The following LMO7 variants were observed in gnomAD, a reference collection of about 807,000 sequenced individuals.
LMO7 encodes LIM domain only protein 7.
In LMO7, 120 loss-of-function variants were observed where a neutral mutation model predicts 206.5. The ratio of observed to expected loss-of-function variants is 0.58; its 90% CI spans 0.50 to 0.68. The LOEUF is 0.68. LMO7 is among the 30% of genes least tolerant of loss of function. LMO7 has a pLI of 0.00. For synonymous variants in LMO7, 706 were observed against 681.5 expected (o/e 1.04, Z -0.56); for missense variants, 1,959 against 1,957.9 (o/e 1.00, Z -0.01).
intron 2 of LMO7, among the ~76,000 whole-genome samples, chr13:75,720,343 C>T (rs1407512052): frequency 6.6e-6 from 1 of 152,060 alleles, no homozygotes; most frequent in African/African-American, 2.4e-5. Flanking sequence ...TTAATGAAGT[C>T]CAGTGTGTCA....
intron 1 of LMO7, among the ~76,000 whole-genome samples, chr13:75,700,877 A>T (rs867666286): frequency 3.3e-5 from 5 of 152,184 alleles, no homozygotes; most frequent in Non-Finnish European, 7.3e-5. Context: ...CTTCCTTTTA[A>T]TATTTCTGGA....
rs892741644 is a variant in LMO7, at chr13:75,803,252, A to G, written c.662-1037A>G. 2.0e-5 allele frequency among the ~76,000 whole-genome samples: 3 copies of G among 152,176 alleles called. No homozygotes were observed. In the South Asian group the frequency reaches 6.2e-4, roughly 32 times the overall value. ...AAGCGACTTCCTGTAGACTGTTCTC[A>G]GTGTTATTTACTGTAGCTTCCTGCC... On this transcript the variant is annotated intron_variant, in intron 7 of 30. Coordinates refer to ENST00000377534, the MANE Select transcript of LMO7 (RefSeq NM_001306080.2).
At chr13:75,717,362 CAAAA>C (rs55749528) in intron 2 of LMO7, among the ~76,000 whole-genome samples, 1 of 90,808 alleles carries the variant, frequency 1.1e-5, no homozygotes, top group Admixed American at 1.3e-4. Flanking sequence ...GACTCCGTCT[CAAAA>C]AAAAAAAAAA....
chr13:75,783,144 A>C (rs1031307772), intron 4 of LMO7, among the ~76,000 whole-genome samples: 6 of 152,230 alleles, frequency 3.9e-5, no homozygotes, highest in African/African-American at 1.4e-4. Flanking sequence ...TTTTATGCAC[A>C]GATGTATTTT....
At position 75,821,266 on chromosome 13, in the gene LMO7, C is replaced by T. The variant is rs761565762; in HGVS notation, c.2297C>T (p.Thr766Ile). 1.9e-6 allele frequency: 3 copies of T among 1,613,990 alleles called. No individual in the cohort carries two copies. The highest frequency in any genetic ancestry group is 1.6e-4 in the Middle Eastern group (1 of 6,062). The change falls in exon 14 of 31, where the codon ACA (threonine) becomes ATA (isoleucine). Residue 766 changes from threonine (T) to isoleucine (I), a missense_variant. By Grantham distance (89) the Thr-to-Ile change is moderately conservative. Transcript: ENST00000377534. ...DVLEEGKRPP[T>I]MTVSEASYQS... ...CTGGAGGAAGGAAAGCGACCCCCTA[C>T]AATGACTGTGTCAGAAGCAAGTTAC...
chr13:75,654,964 C>T lies in LMO7; in HGVS notation c.69+18238C>T, dbSNP rs561028153. On this transcript the variant is annotated intron_variant, in intron 1 of 30. Transcript: ENST00000377534. ...TCGGCTCACTGCAACCTCTGCCTCC[C>T]GGGTTCCTCGATTCTCCTGCCTCAG... is the stretch of plus-strand genomic sequence containing the variant. Among the ~76,000 whole-genome samples, 6 of 151,268 alleles carry T rather than the reference C, an allele frequency of 4.0e-5. No individual in the cohort carries two copies. The East Asian group carries it at 1.2e-3, about 29-fold the overall frequency.
chr13:75,673,879 C>T (rs2039794971), intron 1 of LMO7, among the ~76,000 whole-genome samples: 1 of 152,078 alleles, frequency 6.6e-6, no homozygotes, highest in East Asian at 1.9e-4. Flanking sequence ...TGTTTTAAAG[C>T]TTTGACATCT....
Position 75,626,595 on chromosome 13 carries a change from A to ATATATATATATTTTTTTTTTTTTTTTTT in LMO7, c.225+3276_225+3277insATATATATATTTTTTTTTTTTTTTTTTT. ...ATATATATTATATATATATATATAA[A>ATATATATATATTTTTTTTTTTTTTTTTT]TTTTTTTGAGACAGGGTCTCACTCT... On this transcript the variant is annotated intron_variant, in intron 2 of 29. Coordinates refer to the LMO7 transcript ENST00000341547. Among the ~76,000 whole-genome samples, 9 of 71,088 alleles carry ATATATATATATTTTTTTTTTTTTTTTTT rather than the reference A, an allele frequency of 1.3e-4. 1 individual carries two copies. The highest frequency in any genetic ancestry group is 2.9e-4 in the African/African-American group (8 of 27,562). 46.6% of individuals were successfully genotyped at this position (71,088 alleles called of 152,430 possible).
chr13:75,750,247 A>G (rs1363615958), intron 3 of LMO7, among the ~76,000 whole-genome samples: 3 of 152,218 alleles, frequency 2.0e-5, no homozygotes, highest in Non-Finnish European at 4.4e-5. Context: ...AGTAAACTCC[A>G]TAATCTCTGG....
intron 15 of LMO7, among the ~76,000 whole-genome samples, chr13:75,830,665 T>C (rs1358576187): frequency 6.6e-6 from 1 of 152,186 alleles, no homozygotes; most frequent in Admixed American, 6.5e-5. Context: ...ATATTTAAGA[T>C]GTTTAAATAG....
chr13:75,688,114 T>A (rs536732269), intron 1 of LMO7, among the ~76,000 whole-genome samples: 6 of 152,332 alleles, frequency 3.9e-5, no homozygotes, highest in East Asian at 1.9e-4. Context: ...CGCAGCCATG[T>A]GGAACTGTGA....
At chr13:75,805,895 A>G (rs2055391677) in intron 9 of LMO7, 135 bp downstream of exon 9, 2 of 1,127,960 alleles carry the variant, frequency 1.8e-6, no homozygotes, top group Non-Finnish European at 2.5e-6. Context: ...CGGAACCTAT[A>G]TAATGGAAAT....
At chr13:75,656,290 T>C (rs1327312797) in intron 1 of LMO7, among the ~76,000 whole-genome samples, 1 of 152,074 alleles carries the variant, frequency 6.6e-6, no homozygotes, top group African/African-American at 2.4e-5. Flanking sequence ...AGGTGTTTGG[T>C]TTGGATTTGA....
chr13:75,840,534 G>A (rs1408365148), intron 22 of LMO7, 39 bp downstream of exon 22: 1 of 1,601,672 alleles, frequency 6.2e-7, no homozygotes, highest in Admixed American at 1.7e-5. Flanking sequence ...AACTAGGTTG[G>A]ATTTCACGGC....
chr13:75,687,889 C>T (rs1156657332), intron 1 of LMO7, among the ~76,000 whole-genome samples: 2 of 152,160 alleles, frequency 1.3e-5, no homozygotes, highest in African/African-American at 4.8e-5. Context: ...TGAATTGTAG[C>T]TCCCATAATC....
chr13:75,782,792 C>G (rs183181085), intron 4 of LMO7, among the ~76,000 whole-genome samples: 80 of 152,324 alleles, frequency 5.3e-4, no homozygotes, highest in African/African-American at 1.7e-3. Context: ...ACAATCCCTT[C>G]TCCTCTACAA....
chr13:75,633,450 G>A (rs547589479), upstream of LMO7, among the ~76,000 whole-genome samples: 3 of 152,336 alleles, frequency 2.0e-5, no homozygotes, highest in Admixed American at 2.0e-4. Context: ...TGTGGGTGGT[G>A]AACTGTTTAC....
upstream of LMO7, chr13:75,632,057 C>G (rs2035023103): frequency 6.6e-6 from 1 of 152,142 alleles, no homozygotes; most frequent in South Asian, 2.1e-4. Context: ...CAATACATGA[C>G]AATTGTACTG....
chr13:75,689,527 G>T (rs1445833210), intron 1 of LMO7, among the ~76,000 whole-genome samples: 2 of 152,180 alleles, frequency 1.3e-5, no homozygotes, highest in Non-Finnish European at 2.9e-5. Context: ...GGTGCCAAAG[G>T]AGATTAACAT....
Sources: allele counts gnomAD v4.1 joint callset (sites outside exome capture counted in the v4.1 genomes callset), GRCh38; gene constraint gnomAD v4.1.1; transcripts MANE v1.5; gene names NCBI Gene and HGNC (gene_info 2026-07-23, HGNC 2026-07-21).